Variants in NEO1 observed in about 807,000 individuals in gnomAD.
NEO1 encodes neogenin.
Under a neutral mutation model 159.7 loss-of-function variants are expected in NEO1, and 63 were observed. The ratio of observed to expected loss-of-function variants is 0.39; its 90% CI spans 0.32 to 0.49. NEO1 has a LOEUF of 0.49. NEO1 is among the 20% of genes least tolerant of loss of function. NEO1 has a pLI of 0.85. For missense variants in NEO1, 1,615 were observed against 1,831.0 expected, an observed-to-expected ratio of 0.88 and a Z score of 2.15; for synonymous variants, 633 against 662.0, an observed-to-expected ratio of 0.96 and a Z score of 0.67.
At chr15:73,300,520 A>G (rs2042571747) in intron 27 of NEO1, among the ~76,000 whole-genome samples, 1 of 152,188 alleles carries the variant, frequency 6.6e-6, no homozygotes, top group African/African-American at 2.4e-5. Flanking sequence ...ACCTGAGGTC[A>G]GGAGTTCAAG....
rs562050519 is a variant in NEO1 at position 73,123,112 on chromosome 15, G to A, written c.724+312G>A. On this transcript the variant is annotated intron_variant, in intron 3 of 28. Transcript: ENST00000261908. ...GTGGAGGGTGCAGTGAGCTGAGATTGTGCCATTGCACTCCAGCCTGGGCGA... is the reference window on the plus strand; with the variant it reads ...GTGGAGGGTGCAGTGAGCTGAGATTATGCCATTGCACTCCAGCCTGGGCGA... Among the ~76,000 whole-genome samples the A allele has an allele frequency of 2.6e-5, 4 of 151,162 alleles. No homozygotes were observed. The South Asian group carries it at 8.4e-4, about 32-fold the overall frequency.
chr15:73,277,706 A>T (rs1018186607), intron 21 of NEO1, among the ~76,000 whole-genome samples: 1 of 152,204 alleles, frequency 6.6e-6, no homozygotes, highest in Admixed American at 6.6e-5. Flanking sequence ...ATTAGTATCC[A>T]CATAGCCAGG....
intron 27 of NEO1, among the ~76,000 whole-genome samples, chr15:73,300,164 A>G (rs2042556179): frequency 6.6e-6 from 1 of 152,240 alleles, no homozygotes; most frequent in South Asian, 2.1e-4. Flanking sequence ...CTAAAAACAT[A>G]TTCATTAATA....
chr15:73,060,935 A>G (rs1315384810), intron 1 of NEO1, among the ~76,000 whole-genome samples: 1 of 152,202 alleles, frequency 6.6e-6, no homozygotes, highest in Non-Finnish European at 1.5e-5. Context: ...CAAATGTGAC[A>G]CTGCACTGGC....
intron 5 of NEO1, among the ~76,000 whole-genome samples, chr15:73,152,145 C>T (rs934211931): frequency 6.6e-6 from 1 of 152,154 alleles, no homozygotes; most frequent in Admixed American, 6.5e-5. Flanking sequence ...CAGTTCCTGG[C>T]GCATATCTCC....
At chr15:73,226,352 C>T (rs1316678902) in intron 7 of NEO1, among the ~76,000 whole-genome samples, 1 of 152,198 alleles carries the variant, frequency 6.6e-6, no homozygotes, top group Non-Finnish European at 1.5e-5. Flanking sequence ...CAAAGAATGC[C>T]TGCATGGGCT....
intron 7 of NEO1, among the ~76,000 whole-genome samples, chr15:73,185,098 T>C (rs1435304162): frequency 6.6e-6 from 1 of 151,954 alleles, no homozygotes; most frequent in Admixed American, 6.5e-5. Flanking sequence ...ACTATGGAGT[T>C]AGTAAAAAAA....
chr15:73,091,867 TCCTCCCACCTCAG>T (rs1454888023), intron 1 of NEO1, among the ~76,000 whole-genome samples: 1 of 151,738 alleles, frequency 6.6e-6, no homozygotes, highest in Non-Finnish European at 1.5e-5. Context: ...ACTCAAGTGA[TCCTCCCACCTCAG>T]CCTCCCAAAG....
At chr15:73,075,604 C>T (rs1447900456) in intron 1 of NEO1, among the ~76,000 whole-genome samples, 1 of 151,890 alleles carries the variant, frequency 6.6e-6, no homozygotes, top group Non-Finnish European at 1.5e-5. Flanking sequence ...GATTATTGTC[C>T]ATTTGATAGA....
intron 14 of NEO1, 64 bp from the exon 15 acceptor site, chr15:73,260,207 A>G: frequency 1.4e-6 from 2 of 1,468,346 alleles, no homozygotes; most frequent in Non-Finnish European, 1.9e-6. Flanking sequence ...ACCATTCCCC[A>G]AGGATGGTGA....
In NEO1 at chr15:73,123,110, T is replaced by C. The variant is rs140383677; in HGVS notation, c.724+310T>C. ...AGGTGGAGGGTGCAGTGAGCTGAGA[T>C]TGTGCCATTGCACTCCAGCCTGGGC... On this transcript the variant is annotated intron_variant, in intron 3 of 28. Transcript: ENST00000261908. 6.3e-3 allele frequency among the ~76,000 whole-genome samples: 960 copies of C among 151,818 alleles called. 10 individuals are homozygous for C. Among genetic ancestry groups the C allele is most frequent in the African/African-American group, 0.022 (919 of 41,342 alleles).
intron 5 of NEO1, among the ~76,000 whole-genome samples, chr15:73,167,538 A>G (rs61658575): frequency 0.013 from 1,975 of 152,292 alleles, 34 homozygotes; most frequent in African/African-American, 0.045. Flanking sequence ...AAAAGAATTG[A>G]AAGTAGGTCT....
At chr15:73,086,807 AC>A (rs34445249) in intron 1 of NEO1, among the ~76,000 whole-genome samples, 106,972 of 150,722 alleles carry the variant, frequency 0.71, 38,899 homozygotes, top group African/African-American at 0.88. Flanking sequence ...GGCACATGCC[AC>A]CCATGCCTGG....
chr15:73,301,673 C>T (rs1344094058), intron 28 of NEO1: 10 of 469,230 alleles, frequency 2.1e-5, no homozygotes, highest in South Asian at 2.0e-4. Context: ...CATATCCACT[C>T]TTTTTTTTTT....
intron 5 of NEO1, among the ~76,000 whole-genome samples, chr15:73,170,712 G>A (rs2034900646): frequency 1.3e-5 from 2 of 152,158 alleles, no homozygotes; most frequent in South Asian, 2.1e-4. Flanking sequence ...TTTTGAAAAC[G>A]TAAGTGAAGG....
chr15:73,247,734 A>G (rs934330063), intron 9 of NEO1, among the ~76,000 whole-genome samples: 5 of 152,232 alleles, frequency 3.3e-5, no homozygotes, highest in African/African-American at 1.2e-4. Context: ...GTGCCAGAGA[A>G]ATTGTTTTCA....
chr15:73,156,884 T>C (rs540733449), intron 5 of NEO1, among the ~76,000 whole-genome samples: 1 of 152,036 alleles, frequency 6.6e-6, no homozygotes, highest in East Asian at 1.9e-4. Context: ...TTGACGGGGG[T>C]GGCAGGGCAG....
chr15:73,165,462 G>A (rs1384547527), intron 5 of NEO1, among the ~76,000 whole-genome samples: 1 of 152,196 alleles, frequency 6.6e-6, no homozygotes, highest in African/African-American at 2.4e-5. Flanking sequence ...TAGAACAGTA[G>A]GGAGAATCAG....
chr15:73,262,467 A>C (rs1005417067), intron 15 of NEO1, among the ~76,000 whole-genome samples: 27 of 152,212 alleles, frequency 1.8e-4, no homozygotes, highest in African/African-American at 5.8e-4. Flanking sequence ...CACTATACCA[A>C]AGAAAATATA....
Sources: gnomAD v4.1 joint callset for allele counts (sites outside exome capture counted in the v4.1 genomes callset) on GRCh38, gnomAD v4.1.1 for gene constraint, MANE v1.5 for transcripts, NCBI Gene and HGNC (gene_info 2026-07-23, HGNC 2026-07-21) for gene names.